SPMIP2: variants seen among roughly 807,000 people sequenced by gnomAD.
SPMIP2 encodes the protein protein SPMIP2.
the SPMIP2 span, among the ~76,000 whole-genome samples, chr4:159,051,325 C>T: frequency 6.6e-6 from 1 of 152,104 alleles, no homozygotes; most frequent in Admixed American, 6.5e-5. Context: ...CTTAAGATTT[C>T]ACATGGACTT....
the SPMIP2 span, among the ~76,000 whole-genome samples, chr4:158,933,536 T>C: frequency 1.3e-5 from 2 of 152,362 alleles, no homozygotes; most frequent in Non-Finnish European, 2.9e-5. Flanking sequence ...TTCATTGTAA[T>C]GGTTCTTACC....
At chr4:159,046,048 G>C in the SPMIP2 span, among the ~76,000 whole-genome samples, 1 of 152,124 alleles carries the variant, frequency 6.6e-6, no homozygotes, top group African/African-American at 2.4e-5. Flanking sequence ...TCAGAAGTTC[G>C]AGACCAGCCT....
At chr4:158,991,185 T>G in the SPMIP2 span, among the ~76,000 whole-genome samples, 1 of 151,670 alleles carries the variant, frequency 6.6e-6, no homozygotes, top group Non-Finnish European at 1.5e-5. Context: ...CAGGAAGAAG[T>G]TCAAAGCCCC....
At chr4:159,038,344 G>C in the SPMIP2 span, among the ~76,000 whole-genome samples, 1 of 152,044 alleles carries the variant, frequency 6.6e-6, no homozygotes, top group African/African-American at 2.4e-5. Context: ...CAATATGACA[G>C]GTAAGAAATG....
chr4:159,008,807 A>G, the SPMIP2 span, among the ~76,000 whole-genome samples: 1 of 152,256 alleles, frequency 6.6e-6, no homozygotes, highest in Admixed American at 6.5e-5. Context: ...AATACACTTC[A>G]TTTCATGAAT....
chr4:159,052,021 A>C, the SPMIP2 span, among the ~76,000 whole-genome samples: 1 of 152,076 alleles, frequency 6.6e-6, no homozygotes, highest in Non-Finnish European at 1.5e-5. Context: ...ATGCTAAAAA[A>C]AAAACAAAAA....
At chr4:159,037,781 TATATACACACACACACAC>T in the SPMIP2 span, among the ~76,000 whole-genome samples, 2 of 118,086 alleles carry the variant, frequency 1.7e-5, no homozygotes, top group East Asian at 2.4e-4. Flanking sequence ...TCAAAAACAA[TATATACACACACACACAC>T]ACACACACAC....
At chr4:158,927,729 G>A in the SPMIP2 span, among the ~76,000 whole-genome samples, 2 of 152,258 alleles carry the variant, frequency 1.3e-5, no homozygotes, top group East Asian at 1.9e-4. Flanking sequence ...AACCCGGGCT[G>A]CGCAAGGTGC....
the SPMIP2 span, among the ~76,000 whole-genome samples, chr4:158,894,710 C>T: frequency 3.3e-5 from 5 of 152,118 alleles, no homozygotes; most frequent in Admixed American, 3.3e-4. Flanking sequence ...CTTTTACCAC[C>T]TTGTTTACTT....
At chr4:158,986,035 T>C in the SPMIP2 span, among the ~76,000 whole-genome samples, 367 of 149,926 alleles carry the variant, frequency 2.4e-3, 6 homozygotes, top group East Asian at 6.6e-3. Context: ...CCATTCACAA[T>C]TGCTTCAAAG....
the SPMIP2 span, among the ~76,000 whole-genome samples, chr4:159,065,232 C>T: frequency 1.3e-5 from 2 of 152,220 alleles, no homozygotes; most frequent in Non-Finnish European, 2.9e-5. Context: ...GACCAAATGG[C>T]AGCACCTATT....
the SPMIP2 span, among the ~76,000 whole-genome samples, chr4:158,978,169 G>A: frequency 3.3e-5 from 5 of 152,058 alleles, no homozygotes; most frequent in Admixed American, 2.0e-4. Flanking sequence ...CCTTCATTTC[G>A]TTATTTACCC....
At chr4:159,019,506 A>T in the SPMIP2 span, among the ~76,000 whole-genome samples, 1 of 152,104 alleles carries the variant, frequency 6.6e-6, no homozygotes, top group Non-Finnish European at 1.5e-5. Flanking sequence ...GTACCCTGAC[A>T]TCATGAGTGC....
chr4:159,000,697 T>C, the SPMIP2 span, among the ~76,000 whole-genome samples: 1 of 151,924 alleles, frequency 6.6e-6, no homozygotes. Flanking sequence ...CCTCACCATA[T>C]TGGCCAAGCT....
chr4:159,052,954 T>C, the SPMIP2 span, among the ~76,000 whole-genome samples: 3 of 108,180 alleles, frequency 2.8e-5, no homozygotes, highest in Non-Finnish European at 5.6e-5. Context: ...TTATTATTAT[T>C]ATTTTTTTTT....
At chr4:158,994,861 C>T in the SPMIP2 span, among the ~76,000 whole-genome samples, 2 of 152,144 alleles carry the variant, frequency 1.3e-5, no homozygotes, top group Non-Finnish European at 2.9e-5. Flanking sequence ...GTGAATAAGG[C>T]TCTCCAATTC....
At chr4:158,919,364 C>T in the SPMIP2 span, among the ~76,000 whole-genome samples, 1 of 152,194 alleles carries the variant, frequency 6.6e-6, no homozygotes, top group African/African-American at 2.4e-5. Flanking sequence ...AGTCTGGAAC[C>T]GTTTCTCAGT....
the SPMIP2 span, among the ~76,000 whole-genome samples, chr4:159,058,795 C>T: frequency 6.6e-6 from 1 of 152,082 alleles, no homozygotes; most frequent in Non-Finnish European, 1.5e-5. Context: ...TTTATTTTAA[C>T]TGGCACATTT....
At chr4:158,918,161 C>T in the SPMIP2 span, among the ~76,000 whole-genome samples, 106,943 of 152,130 alleles carry the variant, frequency 0.7, 38,312 homozygotes, top group East Asian at 0.95. Flanking sequence ...CTGCCTGACA[C>T]GTAATTGACA....
Sources: allele counts gnomAD v4.1 joint callset (sites outside exome capture counted in the v4.1 genomes callset), GRCh38; gene constraint gnomAD v4.1.1; transcripts MANE v1.5; gene names NCBI Gene and HGNC (gene_info 2026-07-23, HGNC 2026-07-21).